Variants in PZP observed in about 807,000 individuals in gnomAD.
PZP encodes PZP alpha-2-macroglobulin like.
PZP carries 150 observed loss-of-function variants against 179.8 expected under a neutral mutation model. The observed-to-expected ratio is 0.83, with a 90% confidence interval of 0.73 to 0.96. The LOEUF (loss-of-function observed/expected upper bound fraction) is 0.96. Ranked by LOEUF, PZP falls within the 40% of genes least tolerant of loss-of-function variation. The pLI is 0.00. For synonymous variants in PZP, 624 were observed against 652.3 expected, an observed-to-expected ratio of 0.96 and a Z score of 0.66; for missense variants, 1,689 against 1,764.0, an observed-to-expected ratio of 0.96 and a Z score of 0.76.
In PZP at chr12:9,192,196, C is replaced by G; in HGVS notation, c.1543G>C (p.Asp515His). 1 of 1,612,596 alleles carries G rather than the reference C, an allele frequency of 6.2e-7. No individual in the cohort carries two copies. The highest frequency in any genetic ancestry group is 8.5e-7 in the Non-Finnish European group (1 of 1,178,600). Reference sequence around the variant, plus strand: ...AGATGAATCTGAGGATACTCACTGTCTCCTGACTCCACAGGCAGAGTGTGG... The same window carrying G: ...AGATGAATCTGAGGATACTCACTGTGTCCTGACTCCACAGGCAGAGTGTGG... Reference protein sequence around the residue: ...GTHTLPVESGDMKGSFALSFP... With the variant: ...GTHTLPVESGHMKGSFALSFP... Residue 515 changes from aspartate (D) to histidine (H), a missense_variant, in exon 13 of 36, where the codon GAC becomes CAC. Asp to His is a moderately conservative substitution (Grantham distance 81, BLOSUM62 -1). Coordinates refer to ENST00000261336, the MANE Select transcript of PZP (RefSeq NM_002864.3).
chr12:9,165,228 C>T lies in PZP; in HGVS notation c.2398G>A (p.Val800Met), dbSNP rs1941497721. The change falls in exon 19 of 36, where the codon GTG (valine) becomes ATG (methionine). Residue 800 changes from valine to methionine, a missense_variant. By Grantham distance (21) the Val-to-Met change is conservative. Around this residue, in one of 3 missense-constraint regions of PZP, gnomAD observed 201 missense variants for 284.2 expected, o/e 0.71. Transcript: ENST00000261336. Reference protein sequence around the residue: ...ASLRAFQPFFVELTMPYSVIR... With the variant: ...ASLRAFQPFFMELTMPYSVIR... ...ACAGAGTAAGGCATTGTGAGCTCCA[C>T]AAAGAAGGGCTGGAAGGCTCGGAGA... 3 of 1,614,042 alleles carry T rather than the reference C, an allele frequency of 1.9e-6. No homozygotes were observed. Among genetic ancestry groups the T allele is most frequent in the Non-Finnish European group, 1.7e-6 (2 of 1,180,040 alleles).
At chr12:9,189,228 A>G (rs1279630719) in intron 13 of PZP, among the ~76,000 whole-genome samples, 1 of 152,216 alleles carries the variant, frequency 6.6e-6, no homozygotes, top group African/African-American at 2.4e-5. Flanking sequence ...AGGAGGCATC[A>G]CACCACCCAA....
chr12:9,194,725 AAGTGCTGGGATTAC>A (rs1468524366), intron 10 of PZP, among the ~76,000 whole-genome samples: 2 of 152,092 alleles, frequency 1.3e-5, no homozygotes, highest in African/African-American at 4.8e-5. Flanking sequence ...CGGCCTCCGA[AAGTGCTGGGATTAC>A]AGGCGTGAGC....
rs145987120 is a variant in PZP at position 9,189,370 on chromosome 12, A to G, written c.1546+2823T>C. ...CACACCCACAACCATCTGATCTTCAACAAAGCTAACAAACACAAGGAAAGG... is the reference window on the plus strand; with the variant it reads ...CACACCCACAACCATCTGATCTTCAGCAAAGCTAACAAACACAAGGAAAGG... On this transcript the variant is annotated intron_variant, in intron 13 of 35. Transcript: ENST00000261336. Among the ~76,000 whole-genome samples the G allele has an allele frequency of 1.4e-3, 211 of 152,330 alleles. 3 individuals are homozygous for G. The highest frequency in any genetic ancestry group is 1.3e-3 in the Admixed American group (20 of 15,302).
At chr12:9,183,765 G>A (rs915979020) in intron 13 of PZP, among the ~76,000 whole-genome samples, 4 of 152,094 alleles carry the variant, frequency 2.6e-5, no homozygotes, top group African/African-American at 4.8e-5. Flanking sequence ...ATAACTCTAC[G>A]TAGAATGTGG....
Position 9,179,002 on chromosome 12 carries a change from A to C in PZP, c.1839+1981T>G, listed in dbSNP as rs551020569. ...TACCAACCAACATTGAAAGGTAATA[A>C]TACCTCCCAAACAGATAAGTTGATT... is the stretch of plus-strand genomic sequence containing the variant. On this transcript the variant is annotated intron_variant, in intron 15 of 35. Transcript: ENST00000261336. Among the ~76,000 whole-genome samples the C allele has an allele frequency of 1.2e-4, 18 of 152,352 alleles. No individual in the cohort carries two copies. In the Middle Eastern group the frequency reaches 0.014, roughly 115 times the overall value.
intron 15 of PZP, among the ~76,000 whole-genome samples, chr12:9,176,586 T>G (rs894511851): frequency 1.3e-5 from 2 of 152,226 alleles, no homozygotes; most frequent in African/African-American, 4.8e-5. Context: ...GCAGTGTACT[T>G]TTTATGGAAA....
intron 22 of PZP, among the ~76,000 whole-genome samples, chr12:9,161,969 CTTGT>C (rs1270068865): frequency 3.3e-5 from 5 of 151,686 alleles, no homozygotes; most frequent in East Asian, 1.9e-4. Context: ...TTGTTGTTTG[CTTGT>C]TTGTTTTTTT....
intron 17 of PZP, among the ~76,000 whole-genome samples, chr12:9,168,091 ACAAT>A (rs1941718459): frequency 6.6e-6 from 1 of 152,330 alleles, no homozygotes; most frequent in Admixed American, 6.5e-5. Flanking sequence ...TGCTATTTAA[ACAAT>A]CAAAGTTCTT....
At chr12:9,171,357 C>A (rs751883119) in intron 15 of PZP, among the ~76,000 whole-genome samples, 4 of 152,138 alleles carry the variant, frequency 2.6e-5, no homozygotes, top group Non-Finnish European at 2.9e-5. Context: ...ATTCAAAGGG[C>A]AGCAGCCTCA....
chr12:9,196,384 G>T lies in PZP; in HGVS notation c.1038C>A (p.Leu346=). The T allele has an allele frequency of 6.2e-7, 1 of 1,613,884 alleles. No homozygotes were observed. Among genetic ancestry groups the T allele is most frequent in the South Asian group, 1.1e-5 (1 of 91,048 alleles). ...ISEITNIVSK[L]KFVKVDSHFR... The stretch of plus-strand genomic sequence containing the variant: ...AGTGTGAATCCACTTTCACGAATTT[G>T]AGTTTGGATACAATGTTTGTGATTT... Residue 346 remains leucine, a synonymous_variant, in exon 10 of 36, where the codon CTC becomes CTA. Coordinates refer to ENST00000261336, the MANE Select transcript of PZP (RefSeq NM_002864.3).
At chr12:9,176,650 A>G (rs1942384687) in intron 15 of PZP, among the ~76,000 whole-genome samples, 1 of 152,192 alleles carries the variant, frequency 6.6e-6, no homozygotes, top group South Asian at 2.1e-4. Flanking sequence ...AGGCCTGAAT[A>G]TTTATCCCTG....
chr12:9,199,034 G>A (rs1194681709), intron 7 of PZP, among the ~76,000 whole-genome samples: 1 of 152,122 alleles, frequency 6.6e-6, no homozygotes, highest in East Asian at 1.9e-4. Context: ...ATCACAGAGG[G>A]CAACAGTGGA....
At position 9,165,318 on chromosome 12, in the gene PZP, C is replaced by G; in HGVS notation, c.2308G>C (p.Glu770Gln). The G allele has an allele frequency of 6.2e-7, 1 of 1,614,118 alleles. No individual in the cohort carries two copies. Among genetic ancestry groups the G allele is most frequent in the South Asian group, 1.1e-5 (1 of 91,076 alleles). The change falls in exon 19 of 36, where the codon GAG (glutamate) becomes CAG (glutamine). Residue 770 changes from glutamate to glutamine, a missense_variant. By Grantham distance (29) the Glu-to-Gln change is conservative. This residue lies in a region of PZP where 201 missense variants were observed against 284.2 expected (regional missense o/e 0.71). Transcript: ENST00000261336. ...AGGCAGAAGGCCCCTGCCTTCCACT[C>G]GGTGATGGTGTCAGGGACTGTTACT... Reference protein sequence around the residue: ...VGVTVPDTITEWKAGAFCLSE... With the variant: ...VGVTVPDTITQWKAGAFCLSE...
downstream of PZP, among the ~76,000 whole-genome samples, chr12:9,146,310 A>G (rs752348639): frequency 4.6e-5 from 7 of 151,442 alleles, no homozygotes; most frequent in Non-Finnish European, 7.4e-5. Context: ...TTTGCTATTG[A>G]ACTCTTATAG....
intron 1 of PZP, among the ~76,000 whole-genome samples, chr12:9,204,721 T>C (rs1446017608): frequency 6.6e-6 from 1 of 152,184 alleles, no homozygotes; most frequent in Non-Finnish European, 1.5e-5. Flanking sequence ...ATTAATAATT[T>C]AATATTAGTA....
chr12:9,163,094 G>GA (rs149972978), intron 21 of PZP, among the ~76,000 whole-genome samples: 2,375 of 152,030 alleles, frequency 0.016, 24 homozygotes, highest in Non-Finnish European at 0.022. Flanking sequence ...GTGGTAGAGA[G>GA]AAAATGGGAA....
chr12:9,157,329 G>T lies in PZP; in HGVS notation c.3396C>A (p.Phe1132Leu). The T allele has an allele frequency of 6.2e-7, 1 of 1,613,962 alleles. No individual in the cohort carries two copies. The highest frequency in any genetic ancestry group is 8.5e-7 in the Non-Finnish European group (1 of 1,179,962). The change falls in exon 28 of 36, where the codon TTC becomes TTA. Residue 1132 changes from phenylalanine (F) to leucine (L), a missense_variant. Physicochemically the swap from Phe to Leu is conservative, Grantham distance 22 (BLOSUM62 0). Around this residue, in one of 3 missense-constraint regions of PZP, gnomAD observed 746 missense variants for 749.2 expected, o/e 1.00. Coordinates refer to ENST00000261336, the MANE Select transcript of PZP (RefSeq NM_002864.3). ...VTNPIVRNAL[F>L]CLESAWNVAK... ...CTACATTCCAGGCTGACTCCAGGCA[G>T]AACAGGGCATTGCGAACAATAGGGT...
intron 15 of PZP, among the ~76,000 whole-genome samples, chr12:9,177,872 C>T (rs1303652795): frequency 6.6e-6 from 1 of 152,154 alleles, no homozygotes; most frequent in East Asian, 1.9e-4. Flanking sequence ...TCCTGTACTA[C>T]ATGCTGAAAT....
Sources: gnomAD v4.1 joint callset for allele counts (sites outside exome capture counted in the v4.1 genomes callset) on GRCh38, gnomAD v4.1.1 for gene constraint, gnomAD v4.1.1 regional missense constraint, MANE v1.5 for transcripts, NCBI Gene and HGNC (gene_info 2026-07-23, HGNC 2026-07-21) for gene names.